The following ZNF800 variants were observed in gnomAD, a reference collection of about 807,000 sequenced individuals.
ZNF800 encodes zinc finger protein 800.
A neutral mutation model predicts 59.5 loss-of-function variants in ZNF800; 13 were observed. The observed-to-expected ratio is 0.22, with a 90% CI of 0.14 to 0.35. The LOEUF is 0.35. ZNF800 is among the 10% of genes least tolerant of loss of function. The pLI, the probability that ZNF800 is intolerant of heterozygous loss-of-function variation, is 1.00. For missense variants in ZNF800, 621 were observed against 783.7 expected, an observed-to-expected ratio of 0.79 and a Z score of 2.48; for synonymous variants, 266 against 265.7, an observed-to-expected ratio of 1.00 and a Z score of -0.01.
At chr7:127,361,969 A>G (rs191267851) in intron 1 of ZNF800, 8 of 152,262 alleles carry the variant, frequency 5.3e-5, no homozygotes, top group African/African-American at 1.9e-4. Context: ...ACTATGTTGA[A>G]TATGATTCTC....
Position 127,374,370 on chromosome 7 carries a change from T to C in ZNF800, c.966A>G (p.Ile322Met). 1 of 1,613,904 alleles carries C rather than the reference T, an allele frequency of 6.2e-7. No individual in the cohort carries two copies. The highest frequency in any genetic ancestry group is 1.1e-5 in the South Asian group (1 of 91,070). The stretch of plus-strand genomic sequence containing the variant: ...ACAAAGGTTGCCCAGGCTTTGTTGC[T>C]ATATCAGGAGTAATTGAATCCCTCC... ...GLRRDSITPD[I>M]ATKPGQPLFL... The change falls in exon 5 of 6, where the codon ATA becomes ATG. Residue 322 changes from isoleucine (I) to methionine (M), a missense_variant. Physicochemically the swap from Ile to Met is conservative, Grantham distance 10. Coordinates refer to ENST00000265827, the MANE Select transcript of ZNF800 (RefSeq NM_176814.5).
rs781362597 is a variant in ZNF800 at position 127,373,821 on chromosome 7, G to A, written c.1515C>T (p.Ile505=). The A allele has an allele frequency of 3.4e-5, 55 of 1,613,930 alleles. 1 individual carries two copies. Among genetic ancestry groups the A allele is most frequent in the Middle Eastern group, 3.3e-4 (2 of 6,084 alleles). Residue 505 remains isoleucine, a synonymous_variant, in exon 5 of 6, where the codon ATC becomes ATT. Transcript: ENST00000265827. Reference sequence around the variant, plus strand: ...TGTTATTTCCATCTGTGTGCAACTCGATGTGTTTAGTCAAGTTCTGTTTGG... The same window carrying A: ...TGTTATTTCCATCTGTGTGCAACTCAATGTGTTTAGTCAAGTTCTGTTTGG... ...FTSKQNLTKH[I]ELHTDGNNIY... is the part of the protein sequence containing the mutation.
chr7:127,352,706 T>G lies in ZNF800; in HGVS notation n.225-4663A>C, dbSNP rs1045980423. On this transcript the variant is annotated intron_variant and non_coding_transcript_variant, in intron 1 of 1. Transcript: ENST00000485577. ...AAATTAAAGAACTGAATTGTGGAAT[T>G]TATACACTACTATGAAGCCGGTTAA... Among the ~76,000 whole-genome samples, 35 of 152,178 alleles carry G rather than the reference T, an allele frequency of 2.3e-4. No homozygotes were observed. The East Asian group carries it at 4.0e-3, about 18-fold the overall frequency.
intron 1 of ZNF800, among the ~76,000 whole-genome samples, chr7:127,348,219 G>C (rs921506105): frequency 6.6e-6 from 1 of 152,140 alleles, no homozygotes; most frequent in Non-Finnish European, 1.5e-5. Flanking sequence ...GGTGGTCATA[G>C]GAAAACAGAT....
intron 3 of ZNF800, among the ~76,000 whole-genome samples, chr7:127,385,289 A>G (rs1302316448): frequency 1.3e-5 from 2 of 152,190 alleles, no homozygotes; most frequent in Non-Finnish European, 2.9e-5. Context: ...TTCACATCTG[A>G]GTGAATACTC....
chr7:127,391,408 T>G, intron 2 of ZNF800, 89 bp downstream of exon 2: 1 of 1,268,792 alleles, frequency 7.9e-7, no homozygotes, highest in Non-Finnish European at 1.2e-6. Context: ...GAATGACTAC[T>G]GGGGCAGGAG....
chr7:127,362,893 G>C (rs373717013), intron 1 of ZNF800: 1 of 152,052 alleles, frequency 6.6e-6, no homozygotes, highest in Admixed American at 6.6e-5. Context: ...TTAGAAAAGA[G>C]GTCAGTTAAG....
At position 127,392,459 on chromosome 7, in the gene ZNF800, G is replaced by A; in HGVS notation, c.-458C>T. The A allele has an allele frequency of 5.4e-6, 2 of 368,972 alleles. No homozygotes were observed. Among genetic ancestry groups the A allele is most frequent in the Non-Finnish European group, 9.7e-6 (2 of 207,204 alleles). The allele number at this position is 368,972 out of a possible 1,614,324, so 22.9% of individuals were successfully genotyped here. A position where few individuals can be genotyped will look rare whatever the true frequency, so the allele number is the denominator to read the frequency against. ...CCTCGCCGGGGCAACGGCTGCCGCC[G>A]CAACCCGGGTCCCACCAGCGCCGCT... On this transcript the variant is annotated 5_prime_UTR_variant, in exon 1 of 6. Coordinates refer to ENST00000265827, the MANE Select transcript of ZNF800 (RefSeq NM_176814.5).
chr7:127,364,728 C>CCT (rs1249781441), intron 1 of ZNF800: 1 of 152,012 alleles, frequency 6.6e-6, no homozygotes, highest in Non-Finnish European at 1.5e-5. Flanking sequence ...GGTGGAAGTG[C>CCT]TGGACTTGGA....
intron 3 of ZNF800, among the ~76,000 whole-genome samples, chr7:127,380,101 A>T (rs1158232483): frequency 1.1e-4 from 17 of 152,064 alleles, no homozygotes; most frequent in Non-Finnish European, 1.8e-4. Flanking sequence ...TCCTCCAAGA[A>T]GCCTTCAATA....
At chr7:127,351,090 T>A (rs1800159397) in intron 1 of ZNF800, among the ~76,000 whole-genome samples, 2 of 152,212 alleles carry the variant, frequency 1.3e-5, no homozygotes, top group African/African-American at 4.8e-5. Flanking sequence ...TTCTTCCAAG[T>A]CTGAAGTGAG....
chr7:127,377,465 C>T lies in ZNF800; in HGVS notation c.158-136G>A. 1 of 624,406 alleles carries T rather than the reference C, an allele frequency of 1.6e-6. No homozygotes were observed. The highest frequency in any genetic ancestry group is 2.7e-6 in the Non-Finnish European group (1 of 374,852). The allele number at this position is 624,406 out of a possible 1,614,324, so 38.7% of individuals were successfully genotyped here. Reference sequence around the variant, plus strand: ...AAAATATAGGCATTGCCAATTTCCACCACAGTATATTTAGAACTAAGTTAT... The same window carrying T: ...AAAATATAGGCATTGCCAATTTCCATCACAGTATATTTAGAACTAAGTTAT... On this transcript the variant is annotated intron_variant, in intron 3 of 5. Coordinates refer to ENST00000265827, the MANE Select transcript of ZNF800 (RefSeq NM_176814.5). The surrounding 1 kb of genome is among the most constrained non-coding windows in gnomAD (Gnocchi z 4.7).
rs530003385 is a variant in ZNF800 at position 127,385,723 on chromosome 7, T to C, written c.157+337A>G. 2.0e-5 allele frequency among the ~76,000 whole-genome samples: 3 copies of C among 152,110 alleles called. No individual in the cohort carries two copies. The South Asian group carries it at 6.2e-4, about 32-fold the overall frequency. On this transcript the variant is annotated intron_variant, in intron 3 of 5. Transcript: ENST00000265827. Reference sequence around the variant, plus strand: ...AAAGCTCATGAAGACCCAGAATAATTTACTGCCTTTTGAGAGTTTACACAA... The same window carrying C: ...AAAGCTCATGAAGACCCAGAATAATCTACTGCCTTTTGAGAGTTTACACAA...
chr7:127,347,861 G>C (rs960612844), exon 2 of ZNF800: 2 of 151,122 alleles, frequency 1.3e-5, no homozygotes, highest in African/African-American at 4.8e-5. Context: ...CGGCGCTCAC[G>C]GAGCCGCGGG....
At chr7:127,360,913 G>A (rs1800381076) in intron 1 of ZNF800, 1 of 152,064 alleles carries the variant, frequency 6.6e-6, no homozygotes, top group Admixed American at 6.6e-5. Context: ...GCATGATACT[G>A]GAGCAGTTTT....
intron 1 of ZNF800, among the ~76,000 whole-genome samples, chr7:127,358,434 A>G (rs1800317559): frequency 6.6e-6 from 1 of 151,850 alleles, no homozygotes; most frequent in Non-Finnish European, 1.5e-5. Flanking sequence ...CCCTCACACA[A>G]TCCCACATCC....
intron 1 of ZNF800, chr7:127,364,115 C>T (rs1800452195): frequency 6.6e-6 from 1 of 152,106 alleles, no homozygotes. Flanking sequence ...AATACTGAGA[C>T]TGGCCCAAAA....
At chr7:127,379,859 C>CCCA (rs1554377179) in intron 3 of ZNF800, among the ~76,000 whole-genome samples, 2 of 79,018 alleles carry the variant, frequency 2.5e-5, no homozygotes, top group African/African-American at 1.0e-4. Flanking sequence ...CCCACCCCCC[C>CCCA]CACACACACA....
Position 127,371,667 on chromosome 7 carries a change from A to C in ZNF800, c.*147T>G, listed in dbSNP as rs1382775929. On this transcript the variant is annotated 3_prime_UTR_variant, in exon 6 of 6. Coordinates refer to ENST00000265827, the MANE Select transcript of ZNF800 (RefSeq NM_176814.5). ...TGGTTAGATGGTTATTTTAGTCAGAAAACAGCAGTTATAGTTGAATATTTA... is the reference window on the plus strand; with the variant it reads ...TGGTTAGATGGTTATTTTAGTCAGACAACAGCAGTTATAGTTGAATATTTA... The C allele has an allele frequency of 3.7e-6, 2 of 538,742 alleles. No individual in the cohort carries two copies. Among genetic ancestry groups the C allele is most frequent in the African/African-American group, 3.9e-5 (2 of 50,754 alleles). 33.4% of individuals were successfully genotyped at this position (538,742 alleles called of 1,614,324 possible). A position where few individuals can be genotyped will look rare whatever the true frequency, so the allele number is the denominator to read the frequency against.
Sources: allele counts gnomAD v4.1 joint callset (sites outside exome capture counted in the v4.1 genomes callset), GRCh38; gene constraint gnomAD v4.1.1; non-coding constraint Gnocchi (gnomAD v3.1); transcripts MANE v1.5; gene names NCBI Gene and HGNC (gene_info 2026-07-23, HGNC 2026-07-21).